KHDRBS2: variants seen among roughly 807,000 people sequenced by gnomAD.
KHDRBS2 encodes KH RNA binding domain containing, signal transduction associated 2.
Under a neutral mutation model 44.3 loss-of-function variants are expected in KHDRBS2, and 26 were observed. The observed-to-expected ratio is 0.59, with a 90% CI of 0.43 to 0.81. The LOEUF (loss-of-function observed/expected upper bound fraction) is 0.81, where lower values mean the gene tolerates loss of function less well. Among genes scored for constraint, KHDRBS2 ranks in the 40% least tolerant of loss-of-function variants. KHDRBS2 has a pLI of 0.00. For synonymous variants in KHDRBS2, 194 were observed against 151.1 expected, an observed-to-expected ratio of 1.28 and a Z score of -2.08; for missense variants, 476 against 433.1, an observed-to-expected ratio of 1.10 and a Z score of -0.88.
At chr6:61,994,893 A>G (rs1776871804) in intron 3 of KHDRBS2, among the ~76,000 whole-genome samples, 1 of 152,150 alleles carries the variant, frequency 6.6e-6, no homozygotes, top group Non-Finnish European at 1.5e-5. Flanking sequence ...TGGGTGAAGC[A>G]GTATTGCAGG....
the KHDRBS2 span, among the ~76,000 whole-genome samples, chr6:61,565,316 G>A: frequency 9.7e-4 from 147 of 152,110 alleles, no homozygotes; most frequent in African/African-American, 3.4e-3. Context: ...ATGGACAAAT[G>A]GGATTACATC....
At chr6:61,951,597 T>A (rs182538856) in intron 4 of KHDRBS2, among the ~76,000 whole-genome samples, 2 of 152,074 alleles carry the variant, frequency 1.3e-5, no homozygotes, top group South Asian at 2.1e-4. Flanking sequence ...GATTGCTTAC[T>A]CATGCAGTTC....
intron 2 of KHDRBS2, among the ~76,000 whole-genome samples, chr6:62,048,688 A>T (rs1263102176): frequency 1.3e-5 from 2 of 151,976 alleles, no homozygotes; most frequent in African/African-American, 4.8e-5. Flanking sequence ...GGGGTTCCAC[A>T]TAATTTGCTT....
intron 2 of KHDRBS2, among the ~76,000 whole-genome samples, chr6:62,066,211 T>G (rs1277083755): frequency 6.6e-6 from 1 of 151,744 alleles, no homozygotes; most frequent in Non-Finnish European, 1.5e-5. Flanking sequence ...GCAAACCCTA[T>G]TTTTTCAGCC....
chr6:61,924,407 T>G (rs1040009076), intron 4 of KHDRBS2, among the ~76,000 whole-genome samples: 3 of 152,058 alleles, frequency 2.0e-5, no homozygotes, highest in Non-Finnish European at 4.4e-5. Flanking sequence ...CACAGCTGCA[T>G]ACATCAAAAC....
chr6:61,947,959 G>A (rs1763942585), intron 4 of KHDRBS2, among the ~76,000 whole-genome samples: 1 of 138,530 alleles, frequency 7.2e-6, no homozygotes, highest in Non-Finnish European at 1.6e-5. Context: ...TAATAACAGA[G>A]GAATGACAAA....
the KHDRBS2 span, among the ~76,000 whole-genome samples, chr6:61,571,551 G>GA: frequency 7.9e-5 from 12 of 151,934 alleles, no homozygotes; most frequent in African/African-American, 2.9e-4. Context: ...CTATACCCTA[G>GA]AAAAAAATGG....
intron 1 of KHDRBS2, among the ~76,000 whole-genome samples, chr6:62,227,473 A>G (rs1490753600): frequency 2.0e-5 from 3 of 152,154 alleles, no homozygotes; most frequent in Non-Finnish European, 4.4e-5. Flanking sequence ...CAGCAAACAG[A>G]GACGATTTGA....
At chr6:61,959,173 A>T (rs1332553977) in intron 4 of KHDRBS2, among the ~76,000 whole-genome samples, 1 of 152,158 alleles carries the variant, frequency 6.6e-6, no homozygotes, top group African/African-American at 2.4e-5. Flanking sequence ...CTTCTACTTC[A>T]CAGGGAGTTA....
At chr6:61,661,553 A>G in the KHDRBS2 span, among the ~76,000 whole-genome samples, 1 of 152,012 alleles carries the variant, frequency 6.6e-6, no homozygotes, top group Admixed American at 6.6e-5. Context: ...TTTTTATATT[A>G]TGTGTTTTAG....
chr6:62,059,885 C>G (rs1228449821), intron 2 of KHDRBS2, among the ~76,000 whole-genome samples: 3 of 151,394 alleles, frequency 2.0e-5, no homozygotes, highest in Non-Finnish European at 4.4e-5. Flanking sequence ...TTTAAAAAAA[C>G]AAGGGAAAAC....
At chr6:61,996,827 A>AGGCTG (rs1176098245) in intron 3 of KHDRBS2, among the ~76,000 whole-genome samples, 2 of 104,480 alleles carry the variant, frequency 1.9e-5, no homozygotes, top group African/African-American at 3.9e-5. Context: ...TCTGTCACCC[A>AGGCTG]GGCTGGAGTG....
chr6:62,264,696 T>C (rs996452776), intron 1 of KHDRBS2, among the ~76,000 whole-genome samples: 14 of 151,806 alleles, frequency 9.2e-5, no homozygotes, highest in African/African-American at 3.4e-4. Context: ...TAGGGATTTA[T>C]TACCACATCA....
At chr6:62,257,599 T>C (rs1043605545) in intron 1 of KHDRBS2, among the ~76,000 whole-genome samples, 1 of 152,046 alleles carries the variant, frequency 6.6e-6, no homozygotes, top group Non-Finnish European at 1.5e-5. Flanking sequence ...CAGTTTGTTT[T>C]CCTCTGATAT....
At chr6:61,866,260 A>C (rs1002745416) in intron 6 of KHDRBS2, among the ~76,000 whole-genome samples, 4 of 152,176 alleles carry the variant, frequency 2.6e-5, no homozygotes, top group African/African-American at 9.6e-5. Flanking sequence ...CATCCTGTGA[A>C]ATCTAGGTGG....
chr6:62,021,915 GTT>G (rs1239305705), intron 3 of KHDRBS2, among the ~76,000 whole-genome samples: 1 of 99,524 alleles, frequency 1.0e-5, no homozygotes, highest in Non-Finnish European at 2.2e-5. Flanking sequence ...GTGAAAAAAG[GTT>G]TTTTGTGTAT....
At chr6:61,623,762 C>T in the KHDRBS2 span, among the ~76,000 whole-genome samples, 1 of 152,160 alleles carries the variant, frequency 6.6e-6, no homozygotes, top group Non-Finnish European at 1.5e-5. Context: ...TAGAGTTTGT[C>T]CCCTATGACC....
Position 61,901,415 on chromosome 6 carries a change from C to T in KHDRBS2, c.484-44G>A, listed in dbSNP as rs199966612. On this transcript the variant is annotated intron_variant, in intron 4 of 8. Transcript: ENST00000281156. ...GTGATGAGTTAAAAATGGGACATGC[C>T]GTTCTCAGAGTTGGAAAAAAAAAAA... 5.9e-5 allele frequency: 88 copies of T among 1,489,616 alleles called. No individual in the cohort carries two copies. Among genetic ancestry groups the T allele is most frequent in the Middle Eastern group, 1.8e-4 (1 of 5,588 alleles). The allele number at this position is 1,489,616 out of a possible 1,614,324, so 92.3% of individuals were successfully genotyped here.
At chr6:61,754,698 C>G (rs867013305) in intron 6 of KHDRBS2, among the ~76,000 whole-genome samples, 1 of 151,262 alleles carries the variant, frequency 6.6e-6, no homozygotes, top group African/African-American at 2.4e-5. Flanking sequence ...AGGCTACTTA[C>G]TTCCTGTGGA....
Sources: gnomAD v4.1 joint callset for allele counts (sites outside exome capture counted in the v4.1 genomes callset) on GRCh38, gnomAD v4.1.1 for gene constraint, MANE v1.5 for transcripts, NCBI Gene and HGNC (gene_info 2026-07-23, HGNC 2026-07-21) for gene names.